Variants in CNTNAP2 observed in about 807,000 individuals in gnomAD.
The protein encoded by CNTNAP2 is contactin associated protein 2, also known as contactin-associated protein-like 2.
In CNTNAP2, 98 loss-of-function variants were observed where a neutral mutation model predicts 155.2. The observed-to-expected ratio is 0.63, with a 90% CI of 0.54 to 0.75. The LOEUF (loss-of-function observed/expected upper bound fraction) is 0.75. Among genes scored for constraint, CNTNAP2 ranks in the 30% least tolerant of loss-of-function variants. The pLI, the probability that CNTNAP2 is intolerant of heterozygous loss-of-function variation, is 0.00. For missense variants in CNTNAP2, 1,727 were observed against 1,688.1 expected (o/e 1.02, Z -0.40); for synonymous variants, 651 against 631.2 (o/e 1.03, Z -0.47).
At chr7:147,725,994 C>G (rs1389991489) in intron 13 of CNTNAP2, among the ~76,000 whole-genome samples, 1 of 151,772 alleles carries the variant, frequency 6.6e-6, no homozygotes, top group Admixed American at 6.6e-5. Context: ...AACAAGAAAA[C>G]AACAGGAGAT....
At chr7:146,252,547 TAGAG>T (rs1178916895) in intron 1 of CNTNAP2, among the ~76,000 whole-genome samples, 1 of 151,482 alleles carries the variant, frequency 6.6e-6, no homozygotes, top group East Asian at 1.9e-4. Context: ...AATGAGAAAA[TAGAG>T]AGAGGATGGG....
Position 147,332,755 on chromosome 7 carries a change from G to A in CNTNAP2, c.1498+32465G>A, listed in dbSNP as rs549397153. ...TGCACACCTGTAATCCCAGCTACTC[G>A]GGAGGCTGAGGCAGGGGAATCACTT... On this transcript the variant is annotated intron_variant, in intron 9 of 23. Transcript: ENST00000361727. 1.1e-3 allele frequency among the ~76,000 whole-genome samples: 168 copies of A among 152,124 alleles called. 5 individuals carry two copies. The highest frequency in any genetic ancestry group is 0.01 in the Admixed American group (155 of 15,270).
At chr7:147,825,492 T>G (rs1798432556) in intron 13 of CNTNAP2, among the ~76,000 whole-genome samples, 1 of 152,188 alleles carries the variant, frequency 6.6e-6, no homozygotes, top group Admixed American at 6.6e-5. Context: ...ATTATAAAAG[T>G]GTACTTTGAG....
In CNTNAP2 at chr7:147,280,644, T is replaced by C. The variant is rs981841149; in HGVS notation, c.1349-19497T>C. Among the ~76,000 whole-genome samples, 5 of 151,934 alleles carry C rather than the reference T, an allele frequency of 3.3e-5. No homozygotes were observed. The East Asian group carries it at 5.8e-4, about 18-fold the overall frequency. The stretch of plus-strand genomic sequence containing the variant: ...CAAGAAAGACTAATGTATTACTTAA[T>C]GAAGCTATTCATTGCTTAATAAAAA... On this transcript the variant is annotated intron_variant, in intron 8 of 23. Coordinates refer to ENST00000361727, the MANE Select transcript of CNTNAP2 (RefSeq NM_014141.6).
At chr7:146,800,021 T>G (rs916398040) in intron 2 of CNTNAP2, among the ~76,000 whole-genome samples, 5 of 152,164 alleles carry the variant, frequency 3.3e-5, no homozygotes, top group Admixed American at 2.0e-4. Context: ...ACTACAATTA[T>G]GAATATGGAC....
chr7:147,675,305 A>T (rs201266794), intron 13 of CNTNAP2, among the ~76,000 whole-genome samples: 1 of 152,108 alleles, frequency 6.6e-6, no homozygotes, highest in Admixed American at 6.6e-5. Flanking sequence ...TAATTTTGAG[A>T]TCCTTAACTT....
At chr7:146,551,552 G>T (rs917150393) in intron 1 of CNTNAP2, among the ~76,000 whole-genome samples, 1 of 151,636 alleles carries the variant, frequency 6.6e-6, no homozygotes, top group Non-Finnish European at 1.5e-5. Context: ...TGGACATTTG[G>T]GTTGGTTCCA....
chr7:147,382,384 A>ATT (rs1796551286), intron 9 of CNTNAP2, among the ~76,000 whole-genome samples: 1 of 152,214 alleles, frequency 6.6e-6, no homozygotes, highest in African/African-American at 2.4e-5. Flanking sequence ...AGGTAGAATT[A>ATT]ATATGATATG....
intron 21 of CNTNAP2, among the ~76,000 whole-genome samples, chr7:148,284,861 A>T (rs1797053627): frequency 1.3e-5 from 2 of 152,214 alleles, no homozygotes; most frequent in South Asian, 4.1e-4. Flanking sequence ...CAAAACAGAA[A>T]AACACAATGA....
At chr7:147,394,807 T>TTGTGTGTGTG (rs61695156) in intron 9 of CNTNAP2, among the ~76,000 whole-genome samples, 3,205 of 139,272 alleles carry the variant, frequency 0.023, 88 homozygotes, top group African/African-American at 0.062. Flanking sequence ...ATCAACAGTA[T>TTGTGTGTGTG]TGTGTGTGTG....
intron 1 of CNTNAP2, among the ~76,000 whole-genome samples, chr7:146,555,496 GTCTATCTATCTA>G (rs200118562): frequency 2.5e-3 from 131 of 52,394 alleles, no homozygotes; most frequent in African/African-American, 8.1e-3. Context: ...TCATCTGTCT[GTCTATCTATCTA>G]TCTATCTATC....
At chr7:147,354,202 T>C (rs890617172) in intron 9 of CNTNAP2, among the ~76,000 whole-genome samples, 1 of 152,162 alleles carries the variant, frequency 6.6e-6, no homozygotes, top group Non-Finnish European at 1.5e-5. Context: ...GGTCATGAAG[T>C]CCTTGCCCAT....
chr7:146,426,422 T>C (rs1020028208), intron 1 of CNTNAP2, among the ~76,000 whole-genome samples: 102 of 147,002 alleles, frequency 6.9e-4, no homozygotes, highest in Middle Eastern at 7.0e-3. Context: ...CACACACACA[T>C]ATACACACAC....
intron 3 of CNTNAP2, among the ~76,000 whole-genome samples, chr7:146,919,086 T>A (rs1796449109): frequency 6.6e-6 from 1 of 152,154 alleles, no homozygotes; most frequent in Admixed American, 6.6e-5. Flanking sequence ...TCCATTAATA[T>A]CCTGTATCAT....
chr7:147,702,055 G>T (rs796268557), intron 13 of CNTNAP2, among the ~76,000 whole-genome samples: 98 of 111,890 alleles, frequency 8.8e-4, no homozygotes, highest in East Asian at 6.8e-3. Flanking sequence ...ACTTTGGTTG[G>T]TTTTTTTTTT....
At chr7:146,850,987 T>C (rs1794867535) in intron 3 of CNTNAP2, among the ~76,000 whole-genome samples, 1 of 152,092 alleles carries the variant, frequency 6.6e-6, no homozygotes, top group Non-Finnish European at 1.5e-5. Flanking sequence ...TATTTATTTT[T>C]TATTTTTATT....
At chr7:147,088,758 C>T (rs1563072633) in intron 4 of CNTNAP2, among the ~76,000 whole-genome samples, 2 of 151,950 alleles carry the variant, frequency 1.3e-5, no homozygotes, top group Non-Finnish European at 2.9e-5. Flanking sequence ...CAGCCTGCAA[C>T]ATAGAGAGAC....
At chr7:147,720,312 C>G (rs1319417668) in intron 13 of CNTNAP2, among the ~76,000 whole-genome samples, 1 of 152,110 alleles carries the variant, frequency 6.6e-6, no homozygotes, top group Non-Finnish European at 1.5e-5. Flanking sequence ...AATAATTCCT[C>G]AAAAGCAAAT....
chr7:146,257,612 A>C (rs1173474174), intron 1 of CNTNAP2, among the ~76,000 whole-genome samples: 1 of 152,208 alleles, frequency 6.6e-6, no homozygotes, highest in Non-Finnish European at 1.5e-5. Context: ...GAGACAGCAG[A>C]ATATGAACAT....
Sources: gnomAD v4.1 joint callset for allele counts (sites outside exome capture counted in the v4.1 genomes callset) on GRCh38, gnomAD v4.1.1 for gene constraint, MANE v1.5 for transcripts, NCBI Gene and HGNC (gene_info 2026-07-23, HGNC 2026-07-21) for gene names.